Variants in SGCZ observed in about 807,000 individuals in gnomAD.
The protein encoded by SGCZ is sarcoglycan zeta.
In SGCZ, 40 loss-of-function variants were observed where a neutral mutation model predicts 41.3. The observed-to-expected ratio is 0.97, with a 90% CI of 0.75 to 1.26. The LOEUF (loss-of-function observed/expected upper bound fraction) is 1.26. Ranked by LOEUF, SGCZ falls within the 50% of genes most tolerant of loss-of-function variation. The probability of loss-of-function intolerance (pLI) is 0.00; values close to 1 mark genes in which losing one functional copy is unlikely to be tolerated. For synonymous variants in SGCZ, 206 were observed against 137.5 expected, an observed-to-expected ratio of 1.50 and a Z score of -3.49; for missense variants, 552 against 369.8, an observed-to-expected ratio of 1.49 and a Z score of -4.04.
intron 1 of SGCZ, among the ~76,000 whole-genome samples, chr8:14,561,545 AC>A (rs1804208379): frequency 6.6e-6 from 1 of 152,064 alleles, no homozygotes; most frequent in South Asian, 2.1e-4. Flanking sequence ...AGTAACTAGG[AC>A]CCTTTTTATT....
intron 1 of SGCZ, among the ~76,000 whole-genome samples, chr8:14,999,962 C>A (rs10088999): frequency 6.6e-6 from 1 of 151,936 alleles, no homozygotes; most frequent in African/African-American, 2.4e-5. Context: ...AGAATGCATA[C>A]GTGGATGCTC....
chr8:14,394,291 C>T (rs1804901383), intron 2 of SGCZ, among the ~76,000 whole-genome samples: 2 of 152,052 alleles, frequency 1.3e-5, no homozygotes, highest in Admixed American at 6.6e-5. Flanking sequence ...GCTGGGACTA[C>T]AGGCATGCGC....
intron 4 of SGCZ, among the ~76,000 whole-genome samples, chr8:14,211,582 G>A (rs1021768039): frequency 6.6e-6 from 1 of 152,044 alleles, no homozygotes; most frequent in Non-Finnish European, 1.5e-5. Context: ...TTTTAGAGAG[G>A]CCTCAGGAAA....
chr8:14,390,268 T>A (rs1181525290), intron 2 of SGCZ, among the ~76,000 whole-genome samples: 2 of 151,916 alleles, frequency 1.3e-5, no homozygotes, highest in Non-Finnish European at 2.9e-5. Context: ...AATAACATGT[T>A]CTCATTAAAA....
rs532563411 is a variant in SGCZ at position 14,383,973 on chromosome 8, TTTATTA to T, written c.235-59775_235-59770del. On this transcript the variant is annotated intron_variant, in intron 2 of 7. Coordinates refer to ENST00000382080, the MANE Select transcript of SGCZ (RefSeq NM_139167.4). Reference sequence around the variant, plus strand: ...TTTTCTTTTTTTTCTTTTTTTAAATTTTATTATTATTATATTTTAAATTTTAGGGTA... The same window carrying T: ...TTTTCTTTTTTTTCTTTTTTTAAATTTTATTATATTTTAAATTTTAGGGTA... Among the ~76,000 whole-genome samples the T allele has an allele frequency of 1.9e-3, 288 of 151,880 alleles. 3 individuals are homozygous for T. Among genetic ancestry groups the T allele is most frequent in the African/African-American group, 6.5e-3 (269 of 41,482 alleles).
At chr8:14,602,073 TTG>T (rs1805610813) in intron 1 of SGCZ, among the ~76,000 whole-genome samples, 1 of 152,024 alleles carries the variant, frequency 6.6e-6, no homozygotes, top group African/African-American at 2.4e-5. Context: ...TGAGCCGAGA[TTG>T]CGCCACTGCA....
chr8:14,195,836 A>G (rs927887374), intron 4 of SGCZ, among the ~76,000 whole-genome samples: 5 of 152,198 alleles, frequency 3.3e-5, no homozygotes. Flanking sequence ...TAAGTGAAAA[A>G]GACAATTATA....
In SGCZ at chr8:14,554,825, C is replaced by A; in HGVS notation, c.141G>T (p.Arg47Ser). 1.9e-6 allele frequency: 3 copies of A among 1,613,196 alleles called. No individual in the cohort carries two copies. The highest frequency in any genetic ancestry group is 2.7e-5 in the African/African-American group (2 of 74,888). Residue 47 changes from arginine (R) to serine (S), a missense_variant, in exon 2 of 8, where the codon AGG becomes AGT. By Grantham distance (110) the Arg-to-Ser change is moderately radical (BLOSUM62 -1). Coordinates refer to ENST00000382080, the MANE Select transcript of SGCZ (RefSeq NM_139167.4). ...GCAGAAGGACAAAGAAGTATAAGCA[C>A]CTCTTTCGCCATCCATAAATTCCCA... ...YPVGIYGWRK[R>S]CLYFFVLLLL...
intron 2 of SGCZ, among the ~76,000 whole-genome samples, chr8:14,451,725 A>G (rs1397836781): frequency 6.6e-6 from 1 of 152,224 alleles, no homozygotes. Context: ...ACAAGTGGCA[A>G]GTAAGCATAT....
chr8:14,428,101 TACACACACACACAC>T (rs200114899), intron 2 of SGCZ, among the ~76,000 whole-genome samples: 71,558 of 124,080 alleles, frequency 0.58, 18,608 homozygotes, highest in Non-Finnish European at 0.67. Context: ...TGGTTGTATA[TACACACACACACAC>T]ACACACACAC....
At chr8:14,383,115 A>C (rs1321758618) in intron 2 of SGCZ, among the ~76,000 whole-genome samples, 1 of 152,194 alleles carries the variant, frequency 6.6e-6, no homozygotes, top group Non-Finnish European at 1.5e-5. Flanking sequence ...TGGCCCAGCC[A>C]TTCACCAAAT....
intron 2 of SGCZ, among the ~76,000 whole-genome samples, chr8:14,397,179 T>A (rs1798943305): frequency 6.6e-6 from 1 of 152,136 alleles, no homozygotes; most frequent in Admixed American, 6.6e-5. Context: ...CACTTCACCT[T>A]GAGAGATGTT....
chr8:14,455,304 T>C (rs897363955), intron 2 of SGCZ, among the ~76,000 whole-genome samples: 2 of 152,158 alleles, frequency 1.3e-5, no homozygotes, highest in Admixed American at 6.6e-5. Context: ...GAAATGTAAT[T>C]TAAAACATAA....
At chr8:14,456,297 A>G (rs1208227063) in intron 2 of SGCZ, among the ~76,000 whole-genome samples, 3 of 152,136 alleles carry the variant, frequency 2.0e-5, no homozygotes, top group African/African-American at 4.8e-5. Flanking sequence ...AATCCCAGCT[A>G]CTTGGGGGGC....
chr8:15,196,091 G>T (rs1325448135), intron 1 of SGCZ, among the ~76,000 whole-genome samples: 1 of 137,628 alleles, frequency 7.3e-6, no homozygotes, highest in East Asian at 2.0e-4. Context: ...TAGAGACGGG[G>T]TTTCACCTTG....
At chr8:14,543,014 A>C (rs1263563605) in intron 2 of SGCZ, among the ~76,000 whole-genome samples, 1 of 152,024 alleles carries the variant, frequency 6.6e-6, no homozygotes, top group East Asian at 1.9e-4. Flanking sequence ...GCTTAAGTAC[A>C]AAAACTGAGC....
At chr8:14,624,158 G>T (rs1325659957) in intron 1 of SGCZ, among the ~76,000 whole-genome samples, 1 of 152,020 alleles carries the variant, frequency 6.6e-6, no homozygotes, top group Non-Finnish European at 1.5e-5. Flanking sequence ...TTTAATTTCT[G>T]CAGGGTCAAT....
intron 7 of SGCZ, among the ~76,000 whole-genome samples, chr8:14,092,426 A>AT (rs1398106258): frequency 6.6e-6 from 1 of 151,856 alleles, no homozygotes; most frequent in Non-Finnish European, 1.5e-5. Context: ...CCATTTTCAT[A>AT]TTTTTTAATA....
At chr8:14,268,193 G>C (rs1240658479) in intron 3 of SGCZ, among the ~76,000 whole-genome samples, 1 of 149,190 alleles carries the variant, frequency 6.7e-6, no homozygotes, top group Non-Finnish European at 1.5e-5. Context: ...TGGGAATACG[G>C]TAGACTATAT....
Sources: gnomAD v4.1 joint callset for allele counts (sites outside exome capture counted in the v4.1 genomes callset) on GRCh38, gnomAD v4.1.1 for gene constraint, MANE v1.5 for transcripts, NCBI Gene and HGNC (gene_info 2026-07-23, HGNC 2026-07-21) for gene names.